The following ACSL3 variants were observed in gnomAD, a reference collection of about 807,000 sequenced individuals.
The protein encoded by ACSL3 is acyl-CoA synthetase long chain family member 3.
Under a neutral mutation model 84.7 loss-of-function variants are expected in ACSL3, and 34 were observed. The ratio of observed to expected loss-of-function variants is 0.40; its 90% CI spans 0.31 to 0.53. The LOEUF is 0.53. Ranked by LOEUF, ACSL3 falls within the 20% of genes least tolerant of loss-of-function variation. The pLI is 0.48. For missense variants in ACSL3, 680 were observed against 873.1 expected (o/e 0.78, Z 2.79); for synonymous variants, 315 against 299.4 (o/e 1.05, Z -0.54).
intron 13 of ACSL3, among the ~76,000 whole-genome samples, chr2:222,930,210 A>G (rs568310919): frequency 6.6e-6 from 1 of 152,262 alleles, no homozygotes; most frequent in East Asian, 1.9e-4. Flanking sequence ...GATTACAGAC[A>G]TGAGCCACTG....
At chr2:222,937,819 T>A (rs908444346) in intron 16 of ACSL3, among the ~76,000 whole-genome samples, 1 of 152,166 alleles carries the variant, frequency 6.6e-6, no homozygotes, top group Non-Finnish European at 1.5e-5. Context: ...AGACTTTTCA[T>A]ACCTATTTCC....
chr2:222,919,117 G>C lies in ACSL3; in HGVS notation c.720G>C (p.Lys240Asn), dbSNP rs777467919. The change falls in exon 7 of 17, where the codon AAG becomes AAC. Residue 240 changes from lysine (K) to asparagine (N), a missense_variant. Coordinates refer to ENST00000357430, the MANE Select transcript of ACSL3 (RefSeq NM_004457.5). ...RLRHIITVDG[K>N]PPTWSEFPKG... is the part of the protein sequence containing the mutation. ...GGCACATCATCACTGTTGATGGAAA[G>C]CCACCGACCTGGTCCGAGTTCCCCA... The C allele has an allele frequency of 3.7e-6, 6 of 1,614,026 alleles. No individual in the cohort carries two copies. The highest frequency in any genetic ancestry group is 5.1e-6 in the Non-Finnish European group (6 of 1,180,000).
chr2:222,922,908 A>G (rs1696778604), intron 9 of ACSL3, 77 bp downstream of exon 9: 3 of 1,576,820 alleles, frequency 1.9e-6, no homozygotes, highest in African/African-American at 2.7e-5. Flanking sequence ...TCAGTATGAC[A>G]GTATATTGCG....
At chr2:222,935,772 G>A (rs542750707) in intron 16 of ACSL3, among the ~76,000 whole-genome samples, 4 of 151,922 alleles carry the variant, frequency 2.6e-5, no homozygotes, top group East Asian at 1.9e-4. Context: ...TTCTTTTATT[G>A]TAGTAAAAAT....
chr2:222,881,317 C>G (rs181264451), intron 1 of ACSL3, among the ~76,000 whole-genome samples: 1 of 152,198 alleles, frequency 6.6e-6, no homozygotes, highest in Non-Finnish European at 1.5e-5. Context: ...TTGCGGTTAC[C>G]GCATTGGACA....
At chr2:222,879,243 A>G (rs1695532293) in intron 1 of ACSL3, among the ~76,000 whole-genome samples, 1 of 152,174 alleles carries the variant, frequency 6.6e-6, no homozygotes, top group African/African-American at 2.4e-5. Flanking sequence ...GCTGGAACCC[A>G]GGAGGTGGAG....
chr2:222,875,486 A>G (rs145537242), intron 1 of ACSL3, among the ~76,000 whole-genome samples: 1 of 152,144 alleles, frequency 6.6e-6, no homozygotes, highest in Non-Finnish European at 1.5e-5. Flanking sequence ...TTGGCTTTTC[A>G]CTGATTGATT....
intron 16 of ACSL3, among the ~76,000 whole-genome samples, chr2:222,937,416 CTAT>C (rs1697202133): frequency 6.6e-6 from 1 of 152,146 alleles, no homozygotes; most frequent in East Asian, 1.9e-4. Context: ...AAGTCTCCTA[CTAT>C]TATTGTATTG....
chr2:222,879,052 C>A (rs1390673874), intron 1 of ACSL3, among the ~76,000 whole-genome samples: 2 of 152,204 alleles, frequency 1.3e-5, no homozygotes, highest in Non-Finnish European at 2.9e-5. Flanking sequence ...AACAGTGACT[C>A]ACACCTGTAA....
intron 1 of ACSL3, among the ~76,000 whole-genome samples, chr2:222,863,665 A>G (rs1265253711): frequency 6.6e-6 from 1 of 152,208 alleles, no homozygotes; most frequent in East Asian, 1.9e-4. Context: ...GAGCATCATA[A>G]TGACTCAAAA....
At chr2:222,906,742 G>A (rs1267829488) in intron 3 of ACSL3, among the ~76,000 whole-genome samples, 3 of 151,998 alleles carry the variant, frequency 2.0e-5, no homozygotes, top group Non-Finnish European at 4.4e-5. Flanking sequence ...AGCCTCCCGA[G>A]TAGCTGGGAC....
At chr2:222,908,023 C>T (rs1403588166) in intron 3 of ACSL3, among the ~76,000 whole-genome samples, 3 of 152,194 alleles carry the variant, frequency 2.0e-5, no homozygotes, top group Non-Finnish European at 4.4e-5. Flanking sequence ...ATTTGCTTGT[C>T]TACCTCTCCC....
intron 2 of ACSL3, among the ~76,000 whole-genome samples, chr2:222,894,870 A>G (rs978718022): frequency 6.6e-6 from 1 of 152,132 alleles, no homozygotes; most frequent in African/African-American, 2.4e-5. Flanking sequence ...TCTTTGATTA[A>G]TGAATCTTTA....
At chr2:222,939,982 G>A (rs1278745388) in intron 16 of ACSL3, among the ~76,000 whole-genome samples, 1 of 152,164 alleles carries the variant, frequency 6.6e-6, no homozygotes, top group African/African-American at 2.4e-5. Context: ...TTAAAAGAAT[G>A]TTTAGTAAAG....
chr2:222,937,678 C>T (rs544061683), intron 16 of ACSL3, among the ~76,000 whole-genome samples: 20 of 152,232 alleles, frequency 1.3e-4, no homozygotes, highest in South Asian at 8.3e-4. Context: ...CTTTAGGTTA[C>T]GCATGCCCTT....
At position 222,901,964 on chromosome 2, in the gene ACSL3, A is replaced by AAAAAAAAAAAAAAAAATG. The variant is rs57522671; in HGVS notation, c.-41+1184_-41+1185insAAAAAAAAAAAAAAAATG. Among the ~76,000 whole-genome samples the AAAAAAAAAAAAAAAAATG allele has an allele frequency of 4.5e-4, 45 of 99,456 alleles. 15 individuals are homozygous for AAAAAAAAAAAAAAAAATG. Among genetic ancestry groups the AAAAAAAAAAAAAAAAATG allele is most frequent in the South Asian group, 1.2e-3 (3 of 2,570 alleles). The allele number at this position is 99,456 out of a possible 152,430, so 65.2% of individuals were successfully genotyped here. ...GTCTCAAAAAAAAAAAAAAAAAAAA[A>AAAAAAAAAAAAAAAAATG]GAACTCAAATATTGTTGAGGTAGCA... On this transcript the variant is annotated intron_variant, in intron 3 of 16. Coordinates refer to ENST00000357430, the MANE Select transcript of ACSL3 (RefSeq NM_004457.5).
chr2:222,868,287 G>T (rs1695207081), intron 1 of ACSL3, among the ~76,000 whole-genome samples: 1 of 152,132 alleles, frequency 6.6e-6, no homozygotes, highest in African/African-American at 2.4e-5. Flanking sequence ...CTTTTTAGCT[G>T]TGTGTCTTTG....
Position 222,908,932 on chromosome 2 carries a change from C to G in ACSL3, c.160C>G (p.Arg54Gly). The stretch of plus-strand genomic sequence containing the variant: ...CGAGTCAAGACAAGAAAAATCAAAC[C>G]GAATTAAAGCAAAGCCTGTAAATTC... The part of the protein sequence containing the change: ...FSESRQEKSN[R>G]IKAKPVNSKP... Residue 54 changes from arginine to glycine, a missense_variant, in exon 4 of 17, where the codon CGA becomes GGA. By Grantham distance (125) the Arg-to-Gly change is moderately radical. This residue lies in a region of ACSL3 where 333 missense variants were observed against 347.5 expected (regional missense o/e 0.96). Transcript: ENST00000357430. 1 of 1,612,502 alleles carries G rather than the reference C, an allele frequency of 6.2e-7. No individual in the cohort carries two copies. The highest frequency in any genetic ancestry group is 1.1e-5 in the South Asian group (1 of 90,562).
intron 12 of ACSL3, 56 bp from the exon 13 acceptor site, chr2:222,928,806 T>C (rs1696949761): frequency 2.2e-6 from 3 of 1,361,754 alleles, no homozygotes; most frequent in South Asian, 2.4e-5. Context: ...TTTAGAAAAA[T>C]GAAGCAGTGT....
Sources: gnomAD v4.1 joint callset for allele counts (sites outside exome capture counted in the v4.1 genomes callset) on GRCh38, gnomAD v4.1.1 for gene constraint, gnomAD v4.1.1 regional missense constraint, MANE v1.5 for transcripts, NCBI Gene and HGNC (gene_info 2026-07-23, HGNC 2026-07-21) for gene names.